CSMD2: variants seen among roughly 807,000 people sequenced by gnomAD.
The protein encoded by CSMD2 is CUB and sushi domain-containing protein 2.
A neutral mutation model predicts 398.5 loss-of-function variants in CSMD2; 130 were observed. That is an observed-to-expected ratio of 0.33 (90% CI 0.28 to 0.38). The LOEUF (loss-of-function observed/expected upper bound fraction) is 0.38. Ranked by LOEUF, CSMD2 falls within the 10% of genes least tolerant of loss-of-function variation. CSMD2 has a pLI of 1.00. For synonymous variants in CSMD2, 1,828 were observed against 1,908.5 expected, an observed-to-expected ratio of 0.96 and a Z score of 1.10; for missense variants, 3,829 against 4,764.9, an observed-to-expected ratio of 0.80 and a Z score of 5.78.
At chr1:33,655,635 C>T (rs908709378) in intron 27 of CSMD2, among the ~76,000 whole-genome samples, 7 of 152,200 alleles carry the variant, frequency 4.6e-5, no homozygotes, top group Non-Finnish European at 1.0e-4. Flanking sequence ...CGGTGCCTAT[C>T]ACGGGGACAG....
chr1:33,533,666 A>G lies in CSMD2; in HGVS notation c.9991+130T>C. 1 of 656,144 alleles carries G rather than the reference A, an allele frequency of 1.5e-6. No individual in the cohort carries two copies. Among genetic ancestry groups the G allele is most frequent in the South Asian group, 1.9e-5 (1 of 53,816 alleles). 40.6% of individuals were successfully genotyped at this position (656,144 alleles called of 1,614,324 possible). On this transcript the variant is annotated intron_variant, in intron 63 of 70. Transcript: ENST00000373381. The surrounding 1 kb of genome is among the most constrained non-coding windows in gnomAD (Gnocchi z 4.2). ...TGTGAGGCCCCAAAGTGTAAGGACT[A>G]CAAAGAGACCGATGTCGGTTCGCAT...
At chr1:33,832,135 T>G in intron 6 of CSMD2, among the ~76,000 whole-genome samples, 1 of 125,938 alleles carries the variant, frequency 7.9e-6, no homozygotes, top group African/African-American at 3.3e-5. Context: ...TACCCAGGAA[T>G]TGAACTCAGC....
At chr1:34,117,463 TA>T (rs914708687) in intron 1 of CSMD2, among the ~76,000 whole-genome samples, 3 of 151,982 alleles carry the variant, frequency 2.0e-5, no homozygotes, top group Admixed American at 6.5e-5. Flanking sequence ...GAATCAGTAA[TA>T]AAAAACCTAT....
intron 15 of CSMD2, 95 bp downstream of exon 15, chr1:33,739,045 C>G: frequency 8.0e-7 from 1 of 1,247,226 alleles, no homozygotes; most frequent in Non-Finnish European, 1.1e-6. Context: ...GAAGGACCAA[C>G]GCAGAAAGGA....
chr1:33,600,069 T>C (rs1481214721), intron 44 of CSMD2: 1 of 669,540 alleles, frequency 1.5e-6, no homozygotes. Context: ...TTTGCCTTAC[T>C]ACCTCACAGA....
chr1:33,788,540 A>C lies in CSMD2; in HGVS notation c.1663+60T>G. On this transcript the variant is annotated intron_variant, in intron 12 of 70. Transcript: ENST00000373381. ...AAAAAAAAAAAAATTCTGACTGCAA[A>C]TCCAGACCCCGTCTCTGACTCCCAG... is the stretch of plus-strand genomic sequence containing the variant. 3 of 966,210 alleles carry C rather than the reference A, an allele frequency of 3.1e-6. No individual in the cohort carries two copies. The East Asian group carries it at 7.2e-5, about 23-fold the overall frequency. 59.9% of individuals were successfully genotyped at this position (966,210 alleles called of 1,614,324 possible).
chr1:33,806,757 T>C (rs1054338253), intron 10 of CSMD2, among the ~76,000 whole-genome samples: 1 of 152,190 alleles, frequency 6.6e-6, no homozygotes, highest in Non-Finnish European at 1.5e-5. Context: ...AAGTGCAGAC[T>C]ACATTTGAAA....
At chr1:33,847,236 G>A (rs1466856520) in intron 5 of CSMD2, among the ~76,000 whole-genome samples, 3 of 151,964 alleles carry the variant, frequency 2.0e-5, no homozygotes, top group Non-Finnish European at 4.4e-5. Context: ...GGAGGCAACT[G>A]ATCCTTCAGA....
intron 3 of CSMD2, among the ~76,000 whole-genome samples, chr1:33,937,202 G>A (rs979974046): frequency 3.9e-5 from 6 of 152,128 alleles, no homozygotes; most frequent in Non-Finnish European, 8.8e-5. Flanking sequence ...TCTAACCCTC[G>A]GTACAGTGGG....
At chr1:33,557,211 T>C (rs1480637553) in intron 55 of CSMD2, among the ~76,000 whole-genome samples, 1 of 152,186 alleles carries the variant, frequency 6.6e-6, no homozygotes, top group Non-Finnish European at 1.5e-5. Context: ...ATCATTTTTA[T>C]AGATGAAGAA....
At chr1:33,943,686 A>G (rs1644748931) in intron 3 of CSMD2, among the ~76,000 whole-genome samples, 1 of 151,852 alleles carries the variant, frequency 6.6e-6, no homozygotes, top group Admixed American at 6.6e-5. Context: ...TCATTCATCC[A>G]CTTATAACAC....
chr1:33,746,872 C>T (rs1354374488), intron 13 of CSMD2, among the ~76,000 whole-genome samples: 1 of 152,210 alleles, frequency 6.6e-6, no homozygotes, highest in Non-Finnish European at 1.5e-5. Context: ...AACAGATTGA[C>T]CAAAGTCTGT....
intron 25 of CSMD2, among the ~76,000 whole-genome samples, chr1:33,667,267 A>G (rs1644348244): frequency 6.6e-6 from 1 of 152,224 alleles, no homozygotes; most frequent in Admixed American, 6.5e-5. Flanking sequence ...AGCTGAGAAA[A>G]GCAAGAATAT....
intron 29 of CSMD2, among the ~76,000 whole-genome samples, chr1:33,638,130 AC>A (rs1006574969): frequency 7.9e-5 from 12 of 152,174 alleles, no homozygotes; most frequent in Non-Finnish European, 1.6e-4. Flanking sequence ...GGGACCGACA[AC>A]ATGGCCACTC....
chr1:33,647,943 G>A (rs1010939274), intron 28 of CSMD2, among the ~76,000 whole-genome samples: 7 of 152,156 alleles, frequency 4.6e-5, no homozygotes, highest in African/African-American at 1.4e-4. Context: ...TAGCACTAAC[G>A]AAAGCCAACA....
chr1:33,675,054 G>A (rs934311988), intron 25 of CSMD2, among the ~76,000 whole-genome samples: 1 of 152,124 alleles, frequency 6.6e-6, no homozygotes, highest in African/African-American at 2.4e-5. Context: ...AAGAACTAGA[G>A]AAGGAAGAGC....
intron 13 of CSMD2, among the ~76,000 whole-genome samples, chr1:33,756,379 A>T (rs1208870677): frequency 6.6e-6 from 1 of 152,164 alleles, no homozygotes; most frequent in Non-Finnish European, 1.5e-5. Context: ...ACCAAGATGG[A>T]TAAGCAAGTC....
chr1:33,982,085 T>G (rs777384372), intron 3 of CSMD2, among the ~76,000 whole-genome samples: 21 of 152,054 alleles, frequency 1.4e-4, no homozygotes, highest in Non-Finnish European at 2.4e-4. Flanking sequence ...CTCAGGCTAG[T>G]GGGTGACAGG....
intron 13 of CSMD2, among the ~76,000 whole-genome samples, chr1:33,758,806 C>G (rs2149295243): frequency 6.6e-6 from 1 of 152,284 alleles, no homozygotes; most frequent in South Asian, 2.1e-4. Context: ...CAAGCAGAGG[C>G]TATAAATGTA....
Sources: allele counts gnomAD v4.1 joint callset (sites outside exome capture counted in the v4.1 genomes callset), GRCh38; gene constraint gnomAD v4.1.1; non-coding constraint Gnocchi (gnomAD v3.1); transcripts MANE v1.5; gene names NCBI Gene and HGNC (gene_info 2026-07-23, HGNC 2026-07-21).